MAP3K13: variants seen among roughly 807,000 people sequenced by gnomAD.
MAP3K13 encodes leucine zipper-bearing kinase.
A neutral mutation model predicts 104.0 loss-of-function variants in MAP3K13; 52 were observed. The ratio of observed to expected loss-of-function variants is 0.50; its 90% CI spans 0.40 to 0.63. The LOEUF is 0.63. Among genes scored for constraint, MAP3K13 ranks in the 20% least tolerant of loss-of-function variants. The pLI, the probability that MAP3K13 is intolerant of heterozygous loss-of-function variation, is 0.00. For synonymous variants in MAP3K13, 394 were observed against 442.2 expected (o/e 0.89, Z 1.37); for missense variants, 914 against 1,218.5 (o/e 0.75, Z 3.72).
chr3:185,361,606 A>G (rs1254818067), upstream of MAP3K13, among the ~76,000 whole-genome samples: 1 of 152,044 alleles, frequency 6.6e-6, no homozygotes, highest in African/African-American at 2.4e-5. Context: ...GGGTTTCACC[A>G]TGTTAGCCAG....
intron 2 of MAP3K13, among the ~76,000 whole-genome samples, chr3:185,353,675 A>G (rs1280690308): frequency 6.6e-6 from 1 of 152,196 alleles, no homozygotes; most frequent in East Asian, 1.9e-4. Context: ...TTACTGATTC[A>G]GTGTTAATAT....
chr3:185,309,163 CTT>C (rs1721407996), intron 2 of MAP3K13, among the ~76,000 whole-genome samples: 1 of 152,098 alleles, frequency 6.6e-6, no homozygotes, highest in Non-Finnish European at 1.5e-5. Context: ...AGGGCTTTAA[CTT>C]ATCTTTTAGG....
At chr3:185,294,483 A>G (rs1720851116) in intron 2 of MAP3K13, among the ~76,000 whole-genome samples, 1 of 152,204 alleles carries the variant, frequency 6.6e-6, no homozygotes, top group South Asian at 2.1e-4. Flanking sequence ...AATTATATGA[A>G]TGTACATAGT....
intron 7 of MAP3K13, 28 bp from the exon 8 acceptor site, chr3:185,463,522 T>C: frequency 7.4e-7 from 1 of 1,351,728 alleles, no homozygotes; most frequent in Non-Finnish European, 1.1e-6. Context: ...TCCTGGAATT[T>C]ATCAAAATCT....
chr3:185,388,493 C>A (rs954594349), intron 1 of MAP3K13, among the ~76,000 whole-genome samples: 1 of 151,844 alleles, frequency 6.6e-6, no homozygotes, highest in Non-Finnish European at 1.5e-5. Flanking sequence ...CAGAGTGAGA[C>A]CCTGGCTCAA....
rs188669013 is a variant in MAP3K13, at chr3:185,466,882, G to T, written c.1562G>T (p.Arg521Leu). The change falls in exon 10 of 14, where the codon CGT becomes CTT. Residue 521 changes from arginine to leucine, a missense_variant. By Grantham distance (102) the Arg-to-Leu change is moderately radical. This residue lies in a region of MAP3K13 where 583 missense variants were observed against 737.4 expected (regional missense o/e 0.79). Transcript: ENST00000265026. ...GGGACCTACAAACGACACCCTGTTC[G>T]TCCTATCATCCATCCCAATGCCATG... ...YPGTYKRHPV[R>L]PIIHPNAMEK... 1 of 1,613,826 alleles carries T rather than the reference G, an allele frequency of 6.2e-7. No individual in the cohort carries two copies. The highest frequency in any genetic ancestry group is 1.3e-5 in the African/African-American group (1 of 74,910).
chr3:185,439,909 G>A (rs1047264620), intron 3 of MAP3K13, among the ~76,000 whole-genome samples: 1 of 152,094 alleles, frequency 6.6e-6, no homozygotes, highest in African/African-American at 2.4e-5. Flanking sequence ...ATTACACCAT[G>A]CTCTTGGGCA....
chr3:185,311,694 T>A (rs2108686857), intron 2 of MAP3K13, among the ~76,000 whole-genome samples: 1 of 152,360 alleles, frequency 6.6e-6, no homozygotes, highest in Admixed American at 6.5e-5. Context: ...CCTTCTCATT[T>A]GGCTATTTTG....
At chr3:185,402,299 A>G (rs946225946) in intron 1 of MAP3K13, among the ~76,000 whole-genome samples, 10 of 152,236 alleles carry the variant, frequency 6.6e-5, no homozygotes, top group Admixed American at 1.3e-4. Context: ...TAGTAGTATC[A>G]CAATTTATTT....
chr3:185,374,316 G>GA (rs769012908), intron 1 of MAP3K13, among the ~76,000 whole-genome samples: 17 of 152,156 alleles, frequency 1.1e-4, no homozygotes, highest in Non-Finnish European at 2.4e-4. Flanking sequence ...TTTGGGGGTT[G>GA]TATGGAGAGA....
chr3:185,394,494 T>C (rs570312137), intron 1 of MAP3K13, among the ~76,000 whole-genome samples: 16 of 152,320 alleles, frequency 1.1e-4, no homozygotes, highest in Non-Finnish European at 1.6e-4. Flanking sequence ...ATTTAGTACA[T>C]ATATAGAATG....
intron 2 of MAP3K13, among the ~76,000 whole-genome samples, chr3:185,324,171 C>T (rs1306563568): frequency 3.9e-5 from 6 of 151,962 alleles, no homozygotes; most frequent in Non-Finnish European, 5.9e-5. Context: ...CCACCACGCC[C>T]GGCTAATTTT....
intron 1 of MAP3K13, among the ~76,000 whole-genome samples, chr3:185,426,242 G>T (rs1051114154): frequency 6.6e-6 from 1 of 152,022 alleles, no homozygotes; most frequent in East Asian, 1.9e-4. Context: ...CACCATGCCC[G>T]GCTAATTTTT....
intron 1 of MAP3K13, among the ~76,000 whole-genome samples, chr3:185,381,583 C>T (rs767694715): frequency 3.9e-5 from 6 of 152,164 alleles, no homozygotes; most frequent in Non-Finnish European, 8.8e-5. Context: ...AACTGTCCTT[C>T]TTGAGGTCTA....
chr3:185,305,471 T>C (rs551619171), intron 2 of MAP3K13, among the ~76,000 whole-genome samples: 1 of 152,296 alleles, frequency 6.6e-6, no homozygotes, highest in African/African-American at 2.4e-5. Flanking sequence ...ATTTCATAGT[T>C]ATAGTTTTTT....
intron 1 of MAP3K13, among the ~76,000 whole-genome samples, chr3:185,411,706 T>C (rs961532360): frequency 1.2e-4 from 19 of 152,190 alleles, no homozygotes; most frequent in African/African-American, 4.6e-4. Context: ...TATGCAACTT[T>C]TTAGGAGCAC....
chr3:185,293,598 T>A (rs78770670), intron 2 of MAP3K13, among the ~76,000 whole-genome samples: 12,664 of 152,118 alleles, frequency 0.083, 694 homozygotes, highest in East Asian at 0.2. Flanking sequence ...CTAATTTTTG[T>A]ATTTTTTGTA....
chr3:185,288,712 G>A (rs1358508400), intron 2 of MAP3K13, among the ~76,000 whole-genome samples: 9 of 151,982 alleles, frequency 5.9e-5, no homozygotes, highest in South Asian at 2.1e-4. Flanking sequence ...TCACAGAGTC[G>A]AAATGACAGG....
At chr3:185,349,372 GTTCTCTCT>G (rs1560059673) in intron 2 of MAP3K13, among the ~76,000 whole-genome samples, 1 of 152,004 alleles carries the variant, frequency 6.6e-6, no homozygotes, top group African/African-American at 2.4e-5. Context: ...GTAGTATTTG[GTTCTCTCT>G]TTCTGCATTC....
Sources: gnomAD v4.1 joint callset for allele counts (sites outside exome capture counted in the v4.1 genomes callset) on GRCh38, gnomAD v4.1.1 for gene constraint, gnomAD v4.1.1 regional missense constraint, MANE v1.5 for transcripts, NCBI Gene and HGNC (gene_info 2026-07-23, HGNC 2026-07-21) for gene names.